The following TAOK3 variants were observed in gnomAD, a reference collection of about 807,000 sequenced individuals.
TAOK3 encodes the protein serine/threonine-protein kinase TAO3.
A neutral mutation model predicts 120.4 loss-of-function variants in TAOK3; 40 were observed. The ratio of observed to expected loss-of-function variants is 0.33; its 90% confidence interval spans 0.26 to 0.43. TAOK3 has a LOEUF of 0.43. Ranked by LOEUF, TAOK3 falls within the 20% of genes least tolerant of loss-of-function variation. The pLI is 1.00. For synonymous variants in TAOK3, 355 were observed against 387.5 expected (o/e 0.92, Z 0.99); for missense variants, 821 against 1,112.1 (o/e 0.74, Z 3.72).
chr12:118,355,898 G>A (rs1327776703), intron 1 of TAOK3, among the ~76,000 whole-genome samples: 1 of 152,174 alleles, frequency 6.6e-6, no homozygotes, highest in Non-Finnish European at 1.5e-5. Context: ...AGGTTTCGGG[G>A]AGGTTAAGGG....
intron 16 of TAOK3, among the ~76,000 whole-genome samples, chr12:118,176,994 T>C (rs2036382451): frequency 6.6e-6 from 1 of 152,164 alleles, no homozygotes; most frequent in Non-Finnish European, 1.5e-5. Flanking sequence ...CTCCAACTCC[T>C]GACCTCAGGT....
In TAOK3 at chr12:118,314,378, C is replaced by T. The variant is rs879019516; in HGVS notation, c.-193-47619G>A. Among the ~76,000 whole-genome samples, 2 of 151,958 alleles carry T rather than the reference C, an allele frequency of 1.3e-5. 1 individual carries two copies. Among genetic ancestry groups the T allele is most frequent in the South Asian group, 4.1e-4 (2 of 4,824 alleles). On this transcript the variant is annotated intron_variant, in intron 1 of 20. Transcript: ENST00000392533. ...TTGAGATACAACTAATTATGCAAAT[C>T]AAAAAATATTGAGTAATAACTCTAA... is the stretch of plus-strand genomic sequence containing the variant.
In TAOK3 at chr12:118,229,116, G is replaced by T. The variant is rs547034668; in HGVS notation, c.643+4558C>A. Among the ~76,000 whole-genome samples, 13 of 150,362 alleles carry T rather than the reference G, an allele frequency of 8.6e-5. No homozygotes were observed. The South Asian group carries it at 2.7e-3, about 32-fold the overall frequency. On this transcript the variant is annotated intron_variant, in intron 9 of 20. Coordinates refer to ENST00000392533, the MANE Select transcript of TAOK3 (RefSeq NM_016281.4). ...TTCTTTTTTTTCCTTTTTTTTTTGG[G>T]GGGGACAGAGTTTCGATCTTGTTGC...
chr12:118,283,128 C>T (rs2042153106), intron 1 of TAOK3, among the ~76,000 whole-genome samples: 1 of 152,262 alleles, frequency 6.6e-6, no homozygotes, highest in South Asian at 2.1e-4. Flanking sequence ...AAATATTATT[C>T]TTCTCATGAG....
At chr12:118,250,317 C>G (rs2040693700) in intron 3 of TAOK3, among the ~76,000 whole-genome samples, 1 of 152,122 alleles carries the variant, frequency 6.6e-6, no homozygotes, top group Admixed American at 6.6e-5. Flanking sequence ...AATACTTCAT[C>G]AAGTTAATAA....
chr12:118,243,064 G>A (rs1385142524), intron 5 of TAOK3, among the ~76,000 whole-genome samples: 1 of 151,972 alleles, frequency 6.6e-6, no homozygotes, highest in African/African-American at 2.4e-5. Context: ...TTCCAAATAT[G>A]GGGGGAACTG....
intron 1 of TAOK3, among the ~76,000 whole-genome samples, chr12:118,320,305 G>T (rs534230357): frequency 6.6e-6 from 1 of 152,162 alleles, no homozygotes; most frequent in African/African-American, 2.4e-5. Flanking sequence ...AAGTTTCTAC[G>T]AGTAGCCGGG....
chr12:118,255,803 C>T, intron 2 of TAOK3, 148 bp from the exon 3 acceptor site: 3 of 413,054 alleles, frequency 7.3e-6, no homozygotes, highest in Admixed American at 4.3e-5. Context: ...GGACATATGG[C>T]CGGGCGCGGT....
intron 1 of TAOK3, among the ~76,000 whole-genome samples, chr12:118,321,623 T>C (rs1016104769): frequency 6.6e-6 from 1 of 152,162 alleles, no homozygotes; most frequent in African/African-American, 2.4e-5. Flanking sequence ...ATAATTAAAA[T>C]ATATGCTTCA....
chr12:118,322,505 C>A (rs922619061), intron 1 of TAOK3, among the ~76,000 whole-genome samples: 1 of 151,838 alleles, frequency 6.6e-6, no homozygotes, highest in African/African-American at 2.4e-5. Flanking sequence ...CTCCTGTAAT[C>A]TTTTAGGCTT....
intron 6 of TAOK3, among the ~76,000 whole-genome samples, chr12:118,238,529 T>C (rs185866044): frequency 3.9e-5 from 6 of 152,284 alleles, no homozygotes; most frequent in Admixed American, 3.9e-4. Context: ...TACATTTTCC[T>C]CCTCTGCCAC....
At chr12:118,163,766 C>CA (rs2035386699) in intron 17 of TAOK3, among the ~76,000 whole-genome samples, 1 of 151,980 alleles carries the variant, frequency 6.6e-6, no homozygotes, top group Non-Finnish European at 1.5e-5. Flanking sequence ...CAATGGAGTG[C>CA]AATGGTGTGA....
chr12:118,157,353 G>A (rs560624148), intron 19 of TAOK3, among the ~76,000 whole-genome samples: 1 of 152,188 alleles, frequency 6.6e-6, no homozygotes, highest in African/African-American at 2.4e-5. Flanking sequence ...GCTTTTCATT[G>A]TTTCGGATAA....
chr12:118,370,938 T>C (rs1045079131), intron 1 of TAOK3, among the ~76,000 whole-genome samples: 7 of 152,224 alleles, frequency 4.6e-5, no homozygotes, highest in African/African-American at 1.7e-4. Flanking sequence ...CTGGCAGCTT[T>C]TAGGATAAGA....
chr12:118,212,872 G>T, intron 11 of TAOK3, 42 bp downstream of exon 11: 3 of 1,346,778 alleles, frequency 2.2e-6, no homozygotes, highest in South Asian at 2.4e-5. Context: ...ATTATAACAT[G>T]ACTTTAAATC....
At chr12:118,180,580 C>T (rs551863488) in intron 15 of TAOK3, among the ~76,000 whole-genome samples, 29 of 152,190 alleles carry the variant, frequency 1.9e-4, no homozygotes, top group African/African-American at 5.3e-4. Flanking sequence ...TGGATGGGGA[C>T]GAGAGATGTT....
At chr12:118,225,684 A>G (rs1284913917) in intron 9 of TAOK3, among the ~76,000 whole-genome samples, 1 of 152,188 alleles carries the variant, frequency 6.6e-6, no homozygotes, top group African/African-American at 2.4e-5. Flanking sequence ...ATAACAGAAA[A>G]AATGCTGCCA....
chr12:118,316,556 C>G (rs2043466713), intron 1 of TAOK3, among the ~76,000 whole-genome samples: 1 of 152,016 alleles, frequency 6.6e-6, no homozygotes, highest in Non-Finnish European at 1.5e-5. Context: ...GTGTACCACC[C>G]TGCCTGGCTA....
At chr12:118,151,693 T>G (rs2034455390) in intron 20 of TAOK3, among the ~76,000 whole-genome samples, 1 of 152,222 alleles carries the variant, frequency 6.6e-6, no homozygotes, top group Admixed American at 6.5e-5. Flanking sequence ...TTAACAGCTT[T>G]GAGATGCCTT....
Sources: allele counts gnomAD v4.1 joint callset (sites outside exome capture counted in the v4.1 genomes callset), GRCh38; gene constraint gnomAD v4.1.1; transcripts MANE v1.5; gene names NCBI Gene and HGNC (gene_info 2026-07-23, HGNC 2026-07-21).